SEMA3A: variants seen among roughly 807,000 people sequenced by gnomAD.
SEMA3A encodes semaphorin 3A, also known as semaphorin-3A.
In SEMA3A, 29 loss-of-function variants were observed where a neutral mutation model predicts 97.9. The observed-to-expected ratio is 0.30, with a 90% CI of 0.22 to 0.40. The LOEUF (loss-of-function observed/expected upper bound fraction) is 0.40, where lower values mean the gene tolerates loss of function less well. Ranked by LOEUF, SEMA3A falls within the 10% of genes least tolerant of loss-of-function variation. The pLI, the probability that SEMA3A is intolerant of heterozygous loss-of-function variation, is 1.00. For missense variants in SEMA3A, 763 were observed against 951.3 expected, an observed-to-expected ratio of 0.80 and a Z score of 2.60; for synonymous variants, 321 against 323.7, an observed-to-expected ratio of 0.99 and a Z score of 0.09.
At chr7:84,400,278 C>T (rs1254559165) in intron 1 of SEMA3A, among the ~76,000 whole-genome samples, 1 of 151,956 alleles carries the variant, frequency 6.6e-6, no homozygotes, top group South Asian at 2.1e-4. Context: ...TATGATCATA[C>T]CAAATGGAAT....
At chr7:84,351,435 A>C (rs780838718) in intron 2 of SEMA3A, among the ~76,000 whole-genome samples, 2 of 152,100 alleles carry the variant, frequency 1.3e-5, no homozygotes, top group African/African-American at 2.4e-5. Flanking sequence ...ATTCCGGAAA[A>C]TGTAAACAGT....
intron 2 of SEMA3A, among the ~76,000 whole-genome samples, chr7:84,361,232 C>G (rs904567229): frequency 2.0e-5 from 3 of 151,940 alleles, no homozygotes; most frequent in African/African-American, 7.2e-5. Flanking sequence ...AGAGACAAAC[C>G]AGGAACATGT....
intron 2 of SEMA3A, among the ~76,000 whole-genome samples, chr7:84,344,269 T>C (rs1802241422): frequency 6.6e-6 from 1 of 152,126 alleles, no homozygotes; most frequent in Non-Finnish European, 1.5e-5. Context: ...GGGCCAGATT[T>C]ACCCTTCCAC....
intron 1 of SEMA3A, among the ~76,000 whole-genome samples, chr7:84,450,568 C>T (rs2116363991): frequency 6.6e-6 from 1 of 152,268 alleles, no homozygotes; most frequent in African/African-American, 2.4e-5. Flanking sequence ...GGAAAGCTTT[C>T]CTAAACTGTG....
rs73709582 is a variant in SEMA3A at position 84,175,188 on chromosome 7, T to A, written c.112+19287A>T. On this transcript the variant is annotated intron_variant, in intron 1 of 16. Coordinates refer to ENST00000265362, the MANE Select transcript of SEMA3A (RefSeq NM_006080.3). ...TCTACTTTGAGCCTTGGTTTCCTTA[T>A]CTGTAAAATGATAGAAAATGCCTAC... 6.8e-3 allele frequency among the ~76,000 whole-genome samples: 1,037 copies of A among 152,230 alleles called. 8 individuals carry two copies. Among genetic ancestry groups the A allele is most frequent in the African/African-American group, 0.024 (1,002 of 41,530 alleles).
intron 2 of SEMA3A, among the ~76,000 whole-genome samples, chr7:84,350,527 T>C (rs78907960): frequency 0.023 from 3,495 of 152,264 alleles, 136 homozygotes; most frequent in African/African-American, 0.079. Context: ...CCAAATTACA[T>C]CTGCACAGAT....
chr7:84,467,811 T>G (rs2116402644), intron 1 of SEMA3A, among the ~76,000 whole-genome samples: 1 of 152,314 alleles, frequency 6.6e-6, no homozygotes, highest in Admixed American at 6.5e-5. Context: ...TGAATTCTTG[T>G]TCAAGACAAC....
chr7:84,018,940 C>T (rs1791210177), intron 6 of SEMA3A, among the ~76,000 whole-genome samples: 1 of 151,992 alleles, frequency 6.6e-6, no homozygotes, highest in Non-Finnish European at 1.5e-5. Context: ...CAAAAAACAA[C>T]AATAAAAAAC....
intron 1 of SEMA3A, among the ~76,000 whole-genome samples, chr7:84,476,243 AGCTACTCAGGAGG>A (rs1806276439): frequency 6.6e-6 from 1 of 151,756 alleles, no homozygotes; most frequent in Admixed American, 6.6e-5. Flanking sequence ...CTGTAATCCC[AGCTACTCAGGAGG>A]GCTGAGGCAG....
chr7:84,480,093 C>A (rs766995722), intron 1 of SEMA3A, among the ~76,000 whole-genome samples: 2 of 152,142 alleles, frequency 1.3e-5, no homozygotes, highest in Non-Finnish European at 2.9e-5. Flanking sequence ...TTTACTAAAG[C>A]AAGATTAATG....
In SEMA3A at chr7:83,981,441, T is replaced by C; in HGVS notation, c.1532A>G (p.Gln511Arg). The C allele has an allele frequency of 6.2e-7, 1 of 1,613,264 alleles. No individual in the cohort carries two copies. The highest frequency in any genetic ancestry group is 8.5e-7 in the Non-Finnish European group (1 of 1,179,656). Residue 511 changes from glutamine (Q) to arginine (R), a missense_variant, in exon 14 of 17, where the codon CAG becomes CGG. Physicochemically the swap from Gln to Arg is conservative, Grantham distance 43. This residue lies in a region of SEMA3A where 678 missense variants were observed against 881.3 expected (regional missense o/e 0.77). Transcript: ENST00000265362. ...AATATCACACCGGTGTAAAGGGAGC[T>C]GGGCAACCCCAGCCGTTGAACCAAT... ...LYIGSTAGVA[Q>R]LPLHRCDIYG...
intron 3 of SEMA3A, among the ~76,000 whole-genome samples, chr7:84,201,684 C>A (rs2116297894): frequency 6.6e-6 from 1 of 152,158 alleles, no homozygotes; most frequent in Middle Eastern, 3.4e-3. Context: ...AGAGCATATC[C>A]ATAGAACTAA....
intron 4 of SEMA3A, among the ~76,000 whole-genome samples, chr7:84,104,494 T>C (rs905450606): frequency 6.6e-5 from 10 of 152,182 alleles, no homozygotes; most frequent in African/African-American, 2.2e-4. Flanking sequence ...ACAGGATAAA[T>C]GAATGTTAAT....
intron 6 of SEMA3A, among the ~76,000 whole-genome samples, chr7:84,016,840 G>T (rs1449307926): frequency 2.6e-5 from 4 of 152,100 alleles, no homozygotes; most frequent in African/African-American, 9.7e-5. Context: ...TCCATCACAT[G>T]GTAAGTTTGA....
intron 1 of SEMA3A, among the ~76,000 whole-genome samples, chr7:84,458,206 A>T (rs1219401712): frequency 6.6e-6 from 1 of 152,032 alleles, no homozygotes; most frequent in Non-Finnish European, 1.5e-5. Flanking sequence ...TCATGTTTAC[A>T]GGCAATGCTT....
intron 3 of SEMA3A, among the ~76,000 whole-genome samples, chr7:84,235,659 A>T (rs1320278053): frequency 6.6e-6 from 1 of 152,086 alleles, no homozygotes; most frequent in Non-Finnish European, 1.5e-5. Context: ...AACAAACTAG[A>T]ATCTACTTTC....
At chr7:84,103,625 TA>T (rs1030031404) in intron 4 of SEMA3A, among the ~76,000 whole-genome samples, 1 of 152,036 alleles carries the variant, frequency 6.6e-6, no homozygotes, top group Admixed American at 6.5e-5. Flanking sequence ...TCTTATATTT[TA>T]AAAAAATAAA....
At chr7:83,985,563 T>C (rs1331392181) in intron 12 of SEMA3A, 86 bp from the exon 13 acceptor site, 2 of 1,072,846 alleles carry the variant, frequency 1.9e-6, no homozygotes, top group African/African-American at 3.2e-5. Flanking sequence ...CTGCCATTAG[T>C]TTTCAGAGAG....
At chr7:84,412,365 G>C (rs1294525472) in intron 1 of SEMA3A, among the ~76,000 whole-genome samples, 1 of 152,112 alleles carries the variant, frequency 6.6e-6, no homozygotes, top group Admixed American at 6.6e-5. Context: ...GAACTGTATT[G>C]TTCCATGGTG....
Sources: allele counts gnomAD v4.1 joint callset (sites outside exome capture counted in the v4.1 genomes callset), GRCh38; gene constraint gnomAD v4.1.1; regional missense constraint gnomAD v4.1.1; transcripts MANE v1.5; gene names NCBI Gene and HGNC (gene_info 2026-07-23, HGNC 2026-07-21).